Variants in LY6S observed in about 807,000 individuals in gnomAD.
The protein encoded by LY6S is lymphocyte antigen 6 family member S, also known as lymphocyte antigen 6S.
chr8:143,044,903 C>T, the LY6S span: 4 of 1,170,906 alleles, frequency 3.4e-6, no homozygotes, highest in South Asian at 3.0e-5. Context: ...CTCACCACCA[C>T]CCTTGTCCCA....
the LY6S span, among the ~76,000 whole-genome samples, chr8:143,041,563 C>T: frequency 6.6e-6 from 1 of 152,194 alleles, no homozygotes; most frequent in Admixed American, 6.5e-5. Flanking sequence ...AATATACATC[C>T]TCCTCAGCTT....
At chr8:143,072,510 G>C in the LY6S span, among the ~76,000 whole-genome samples, 1 of 135,108 alleles carries the variant, frequency 7.4e-6, no homozygotes. Flanking sequence ...GACAGCCGTC[G>C]TCCTCGGGAT....
chr8:143,046,435 G>A, the LY6S span, among the ~76,000 whole-genome samples: 75,880 of 151,862 alleles, frequency 0.5, 22,328 homozygotes, highest in Non-Finnish European at 0.64. Flanking sequence ...AAAATTAGCA[G>A]GGCGTGGTGG....
At chr8:143,062,299 T>TCATCAAAA in the LY6S span, among the ~76,000 whole-genome samples, 1 of 152,196 alleles carries the variant, frequency 6.6e-6, no homozygotes, top group Non-Finnish European at 1.5e-5. Flanking sequence ...ATTTATATTA[T>TCATCAAAA]CATCAAAACC....
At chr8:143,075,133 A>T in the LY6S span, among the ~76,000 whole-genome samples, 8 of 152,186 alleles carry the variant, frequency 5.3e-5, no homozygotes, top group Admixed American at 3.9e-4. This position sits in a 1 kb window ranked among gnomAD's most constrained non-coding sequence, Gnocchi z 4.1. Flanking sequence ...TCATCTGTGG[A>T]TCTTTTTTCC....
At chr8:143,048,579 C>T in the LY6S span, among the ~76,000 whole-genome samples, 4 of 151,762 alleles carry the variant, frequency 2.6e-5, no homozygotes, top group Non-Finnish European at 4.4e-5. Flanking sequence ...GCGATTCTCC[C>T]GCCTCAGCCT....
At chr8:143,069,602 A>G in the LY6S span, among the ~76,000 whole-genome samples, 1 of 152,188 alleles carries the variant, frequency 6.6e-6, no homozygotes, top group Non-Finnish European at 1.5e-5. Context: ...CAAGACAGCC[A>G]CCAGGACGGG....
At chr8:143,053,015 G>T in the LY6S span, among the ~76,000 whole-genome samples, 1 of 152,142 alleles carries the variant, frequency 6.6e-6, no homozygotes, top group African/African-American at 2.4e-5. Flanking sequence ...GGCTGCCCTC[G>T]CCTGGCAAGT....
the LY6S span, chr8:143,043,110 G>A: frequency 6.2e-4 from 845 of 1,367,356 alleles, 5 homozygotes; most frequent in African/African-American, 0.011. Context: ...GGGAGAGGGC[G>A]GGAAAGGCCC....
chr8:143,074,532 ATTT>A, the LY6S span, among the ~76,000 whole-genome samples: 1 of 151,980 alleles, frequency 6.6e-6, no homozygotes, highest in Non-Finnish European at 1.5e-5. Context: ...TATTTTTATT[ATTT>A]ATTTTATTTT....
At chr8:143,057,849 G>C in the LY6S span, 7 of 726,420 alleles carry the variant, frequency 9.6e-6, no homozygotes, top group Admixed American at 1.1e-4. Context: ...CAGCTGGCCT[G>C]ACTGGGGGCC....
At chr8:143,044,624 C>G in the LY6S span, 1 of 1,331,960 alleles carries the variant, frequency 7.5e-7, no homozygotes, top group South Asian at 1.2e-5. Context: ...ATGCAGCTAT[C>G]TAAGAAGTGC....
At chr8:143,066,276 C>T in the LY6S span, 1 of 218,864 alleles carries the variant, frequency 4.6e-6, no homozygotes, top group South Asian at 5.7e-5. Context: ...TCAAGCGATT[C>T]TCATGCCTCC....
At chr8:143,073,717 T>A in the LY6S span, among the ~76,000 whole-genome samples, 8 of 135,014 alleles carry the variant, frequency 5.9e-5, 1 homozygote, top group African/African-American at 2.4e-4. Context: ...GGGCTCCTGT[T>A]TGAGGAGACA....
chr8:143,064,246 T>A, the LY6S span, among the ~76,000 whole-genome samples: 1 of 152,246 alleles, frequency 6.6e-6, no homozygotes, highest in African/African-American at 2.4e-5. Flanking sequence ...TGCCTAGAAA[T>A]CCTTTTAGCT....
the LY6S span, among the ~76,000 whole-genome samples, chr8:143,071,948 C>G: frequency 2.6e-5 from 4 of 152,166 alleles, no homozygotes; most frequent in African/African-American, 9.7e-5. Flanking sequence ...ACCATCCACC[C>G]CAAAGTCAAC....
the LY6S span, among the ~76,000 whole-genome samples, chr8:143,065,538 C>T: frequency 6.6e-6 from 1 of 152,086 alleles, no homozygotes; most frequent in African/African-American, 2.4e-5. Flanking sequence ...CAAACATTGG[C>T]CAAGCTGTGT....
At chr8:143,041,006 T>C in the LY6S span, among the ~76,000 whole-genome samples, 1 of 152,126 alleles carries the variant, frequency 6.6e-6, no homozygotes, top group South Asian at 2.1e-4. Context: ...GGTAATAAGA[T>C]ATCACAAGGC....
At chr8:143,044,402 C>T in the LY6S span, among the ~76,000 whole-genome samples, 1 of 152,014 alleles carries the variant, frequency 6.6e-6, no homozygotes, top group Non-Finnish European at 1.5e-5. Context: ...CCTGTGGGCG[C>T]CCCCTGCTCT....
Sources: allele counts gnomAD v4.1 joint callset (sites outside exome capture counted in the v4.1 genomes callset), GRCh38; gene constraint gnomAD v4.1.1; non-coding constraint Gnocchi (gnomAD v3.1); transcripts MANE v1.5; gene names NCBI Gene and HGNC (gene_info 2026-07-23, HGNC 2026-07-21).